The following CATSPERE variants were observed in gnomAD, a reference collection of about 807,000 sequenced individuals.
The protein encoded by CATSPERE is cation channel sperm-associated auxiliary subunit epsilon.
A neutral mutation model predicts 114.1 loss-of-function variants in CATSPERE; 93 were observed. That is an observed-to-expected ratio of 0.81 (90% CI 0.69 to 0.97). The LOEUF (loss-of-function observed/expected upper bound fraction) is 0.97, where lower values mean the gene tolerates loss of function less well. CATSPERE is among the 50% of genes least tolerant of loss of function. The pLI is 0.00. For synonymous variants in CATSPERE, 341 were observed against 384.1 expected (o/e 0.89, Z 1.31); for missense variants, 1,058 against 1,131.6 (o/e 0.93, Z 0.93).
intron 6 of CATSPERE, among the ~76,000 whole-genome samples, chr1:244,495,644 C>T (rs148192895): frequency 1.1e-3 from 169 of 152,204 alleles, no homozygotes; most frequent in African/African-American, 3.9e-3. Context: ...TCACTTGAAC[C>T]AGGGAGTCAG....
At chr1:244,583,288 C>T in intron 12 of CATSPERE, among the ~76,000 whole-genome samples, 1 of 151,978 alleles carries the variant, frequency 6.6e-6, no homozygotes. Flanking sequence ...TATTTTTTAG[C>T]CCTCACGTTT....
intron 13 of CATSPERE, among the ~76,000 whole-genome samples, 166 bp downstream of exon 13, chr1:244,584,105 C>G (rs188080723): frequency 2.6e-5 from 4 of 152,204 alleles, no homozygotes; most frequent in Middle Eastern, 3.4e-3. Context: ...CATATTTATT[C>G]TGCACTTATT....
At chr1:244,596,493 G>A (rs1325241770) in intron 17 of CATSPERE, among the ~76,000 whole-genome samples, 1 of 152,096 alleles carries the variant, frequency 6.6e-6, no homozygotes, top group Non-Finnish European at 1.5e-5. Flanking sequence ...AGCCCCAAGT[G>A]TGGGGTTCAC....
chr1:244,608,166 G>T (rs562607393), intron 18 of CATSPERE, among the ~76,000 whole-genome samples: 3 of 152,266 alleles, frequency 2.0e-5, no homozygotes, highest in Non-Finnish European at 4.4e-5. Context: ...TAAATCCCCT[G>T]AGAGTTGGGG....
chr1:244,623,421 G>A (rs535311243), intron 20 of CATSPERE, among the ~76,000 whole-genome samples: 1 of 152,142 alleles, frequency 6.6e-6, no homozygotes, highest in Admixed American at 6.5e-5. Context: ...AAGCAATCTT[G>A]TGGGGATAAC....
chr1:244,537,893 C>T (rs1680611761), intron 8 of CATSPERE, among the ~76,000 whole-genome samples: 1 of 152,062 alleles, frequency 6.6e-6, no homozygotes, highest in South Asian at 2.1e-4. Context: ...ATAGCTATGT[C>T]CTTACTGATT....
At chr1:244,481,812 C>T (rs1670311372) in intron 5 of CATSPERE, among the ~76,000 whole-genome samples, 1 of 152,150 alleles carries the variant, frequency 6.6e-6, no homozygotes. Context: ...GAAGATAGCA[C>T]CTTGATCTTT....
chr1:244,581,925 C>A (rs1666253341), intron 12 of CATSPERE, 71 bp downstream of exon 12: 2 of 654,632 alleles, frequency 3.1e-6, no homozygotes, highest in Non-Finnish European at 5.0e-6. Flanking sequence ...TGTGGGTGTT[C>A]TTTTATTTAA....
chr1:244,616,354 C>T lies in CATSPERE; in HGVS notation c.2491-1175C>T, dbSNP rs1671398536. On this transcript the variant is annotated intron_variant, in intron 19 of 21. Transcript: ENST00000366534. ...AAGCTCTATTGACTGGGAAGATGTT[C>T]ATGAAGGAGGAATATTTCAAAATAC... Among the ~76,000 whole-genome samples, 3 of 152,120 alleles carry T rather than the reference C, an allele frequency of 2.0e-5. No individual in the cohort carries two copies. The South Asian group carries it at 6.2e-4, about 32-fold the overall frequency.
intron 20 of CATSPERE, among the ~76,000 whole-genome samples, chr1:244,621,211 ATATATATATT>A (rs1672250126): frequency 1.7e-5 from 1 of 57,924 alleles, no homozygotes; most frequent in Non-Finnish European, 3.0e-5. Flanking sequence ...AGATATATTT[ATATATATATT>A]TATATAAATA....
upstream of CATSPERE, among the ~76,000 whole-genome samples, chr1:244,458,221 G>C (rs189808947): frequency 3.3e-5 from 5 of 152,100 alleles, no homozygotes; most frequent in Admixed American, 3.3e-4. Flanking sequence ...AATGGCGTTT[G>C]GTTTTCTTTG....
At chr1:244,460,794 A>G (rs947360305), upstream of CATSPERE, among the ~76,000 whole-genome samples, 1 of 152,200 alleles carries the variant, frequency 6.6e-6, no homozygotes, top group Non-Finnish European at 1.5e-5. Context: ...CACGCCTGTA[A>G]TCCCAGCTAC....
At chr1:244,486,206 C>T (rs1217619449) in intron 5 of CATSPERE, among the ~76,000 whole-genome samples, 4 of 152,224 alleles carry the variant, frequency 2.6e-5, no homozygotes, top group African/African-American at 9.6e-5. Context: ...CACTACCTGT[C>T]ATGGTGTTTT....
rs377189053 is a variant in CATSPERE at position 244,524,542 on chromosome 1, C to T, written c.536+5844C>T. Among the ~76,000 whole-genome samples the T allele has an allele frequency of 1.7e-3, 246 of 147,388 alleles. 1 individual carries two copies. Among genetic ancestry groups the T allele is most frequent in the African/African-American group, 5.8e-3 (217 of 37,528 alleles). On this transcript the variant is annotated intron_variant, in intron 8 of 21. Transcript: ENST00000366534. Reference sequence around the variant, plus strand: ...ACAGCAAAAGAAACTACCATCAGAGCGAACAGGCCACCTACAAAATGTGAG... The same window carrying T: ...ACAGCAAAAGAAACTACCATCAGAGTGAACAGGCCACCTACAAAATGTGAG...
intron 12 of CATSPERE, among the ~76,000 whole-genome samples, chr1:244,582,794 G>T (rs1313810214): frequency 2.0e-5 from 3 of 152,112 alleles, no homozygotes; most frequent in Admixed American, 6.5e-5. Flanking sequence ...AAAATACAGG[G>T]TAAATGAGAA....
intron 17 of CATSPERE, among the ~76,000 whole-genome samples, chr1:244,601,909 G>A (rs370916370): frequency 8.5e-5 from 13 of 152,094 alleles, no homozygotes; most frequent in East Asian, 1.9e-4. Context: ...TGCCAAGATC[G>A]CACCACTGCA....
intron 17 of CATSPERE, among the ~76,000 whole-genome samples, chr1:244,600,667 C>G (rs1669079712): frequency 6.6e-6 from 1 of 152,188 alleles, no homozygotes; most frequent in South Asian, 2.1e-4. Flanking sequence ...ATACAGGATC[C>G]TCACTGGAAA....
intron 2 of CATSPERE, among the ~76,000 whole-genome samples, chr1:244,464,961 G>GA (rs11428659): frequency 0.61 from 86,797 of 142,744 alleles, 26,441 homozygotes; most frequent in East Asian, 0.73. Context: ...ATACTTTACT[G>GA]AAAAAAAAAA....
intron 7 of CATSPERE, among the ~76,000 whole-genome samples, chr1:244,499,954 CCCA>C (rs1250119651): frequency 6.6e-6 from 1 of 152,156 alleles, no homozygotes; most frequent in Non-Finnish European, 1.5e-5. Flanking sequence ...AATTTACACT[CCCA>C]CCAACAGTGT....
Sources: gnomAD v4.1 joint callset for allele counts (sites outside exome capture counted in the v4.1 genomes callset) on GRCh38, gnomAD v4.1.1 for gene constraint, MANE v1.5 for transcripts, NCBI Gene and HGNC (gene_info 2026-07-23, HGNC 2026-07-21) for gene names.